Variants in ZNF599 observed in about 807,000 individuals in gnomAD.
ZNF599 encodes zinc finger protein 599.
ZNF599 carries 10 observed loss-of-function variants against 11.7 expected under a neutral mutation model. The ratio of observed to expected loss-of-function variants is 0.86; its 90% CI spans 0.53 to 1.45. The LOEUF (loss-of-function observed/expected upper bound fraction) is 1.45, where lower values mean the gene tolerates loss of function less well. ZNF599 is among the 40% of genes most tolerant of loss of function. The pLI is 0.00. For missense variants in ZNF599, 688 were observed against 713.6 expected, an observed-to-expected ratio of 0.96 and a Z score of 0.41; for synonymous variants, 232 against 253.2, an observed-to-expected ratio of 0.92 and a Z score of 0.79.
intron 1 of ZNF599, 140 bp from the exon 2 acceptor site, chr19:34,769,695 G>A (rs2069169731): frequency 1.0e-6 from 1 of 1,000,610 alleles, no homozygotes; most frequent in Non-Finnish European, 1.5e-6. Flanking sequence ...TGTGGAGGCA[G>A]ATGGTGCCGC....
chr19:34,804,660 C>T, the ZNF599 span, among the ~76,000 whole-genome samples: 1 of 152,226 alleles, frequency 6.6e-6, no homozygotes, highest in African/African-American at 2.4e-5. Flanking sequence ...AAATATCTCA[C>T]TCTTCACATG....
intron 1 of ZNF599, among the ~76,000 whole-genome samples, chr19:34,770,826 T>C (rs994750010): frequency 3.9e-5 from 6 of 152,160 alleles, no homozygotes; most frequent in African/African-American, 1.4e-4. Flanking sequence ...TGCCTCTGCC[T>C]TTGTCCATGC....
chr19:34,798,760 TTCTGGGATCCTTCAACC>T, the ZNF599 span, among the ~76,000 whole-genome samples: 1 of 152,248 alleles, frequency 6.6e-6, no homozygotes, highest in Non-Finnish European at 1.5e-5. Context: ...CTAAATTATT[TTCTGGGATCCTTCAACC>T]TCTGAATTTA....
the ZNF599 span, among the ~76,000 whole-genome samples, chr19:34,780,486 G>A: frequency 0.015 from 2,262 of 151,746 alleles, 43 homozygotes; most frequent in South Asian, 0.085. Flanking sequence ...GTGACAGAGT[G>A]GCACCCTGTG....
Position 34,759,471 on chromosome 19 carries a change from T to C in ZNF599, c.1330A>G (p.Ile444Val). 6.2e-7 allele frequency: 1 copy of C among 1,614,144 alleles called. No homozygotes were observed. Among genetic ancestry groups the C allele is most frequent in the Non-Finnish European group, 8.5e-7 (1 of 1,179,982 alleles). ...TCATAAGGCTTCTCACCAGTGTGAA[T>C]CCTCATATGTTGAATTAAGGAAGAG... ...DSSSLIQHMR[I>V]HTGEKPYECS... Residue 444 changes from isoleucine (I) to valine (V), a missense_variant, in exon 4 of 4, where the codon ATT becomes GTT. Ile to Val is a conservative substitution (Grantham distance 29, BLOSUM62 3). Coordinates refer to ENST00000329285, the MANE Select transcript of ZNF599 (RefSeq NM_001007248.3).
chr19:34,759,704 G>C lies in ZNF599; in HGVS notation c.1097C>G (p.Pro366Arg). The C allele has an allele frequency of 6.2e-7, 1 of 1,614,182 alleles. No individual in the cohort carries two copies. Among genetic ancestry groups the C allele is most frequent in the Non-Finnish European group, 8.5e-7 (1 of 1,180,026 alleles). The stretch of plus-strand genomic sequence containing the variant: ...TTTTCCACATTCTTTACATAAAAAT[G>C]GTTTTTCTCCTGTGTGGGTCACATT... ...QHNVTHTGEK[P>R]FLCKECGKTF... Residue 366 changes from proline (P) to arginine (R), a missense_variant, in exon 4 of 4, where the codon CCA becomes CGA. By Grantham distance (103) the Pro-to-Arg change is moderately radical. Transcript: ENST00000329285.
intron 3 of ZNF599, among the ~76,000 whole-genome samples, chr19:34,761,960 A>C (rs1439150668): frequency 6.6e-6 from 1 of 152,206 alleles, no homozygotes; most frequent in Non-Finnish European, 1.5e-5. Context: ...CAAATAAAAA[A>C]CATAACATTA....
chr19:34,800,761 A>G, the ZNF599 span, among the ~76,000 whole-genome samples: 2 of 150,798 alleles, frequency 1.3e-5, no homozygotes, highest in African/African-American at 2.4e-5. Context: ...ACGCCCTACT[A>G]ATTTTGTGCT....
At chr19:34,804,813 A>G in the ZNF599 span, among the ~76,000 whole-genome samples, 2 of 152,314 alleles carry the variant, frequency 1.3e-5, no homozygotes, top group East Asian at 3.9e-4. Context: ...ATAAGCTCCA[A>G]GTCTGCCTTT....
chr19:34,768,294 G>A (rs988380934), intron 2 of ZNF599, among the ~76,000 whole-genome samples: 3 of 152,208 alleles, frequency 2.0e-5, no homozygotes, highest in Non-Finnish European at 2.9e-5. Context: ...TGCTGCTCAT[G>A]TTGGTCCCTC....
At chr19:34,764,554 T>C (rs775404249) in intron 3 of ZNF599, 7 of 152,236 alleles carry the variant, frequency 4.6e-5, no homozygotes, top group Admixed American at 6.5e-5. Flanking sequence ...AATGGGTATA[T>C]GTAGTCTATT....
At chr19:34,792,083 T>C in the ZNF599 span, among the ~76,000 whole-genome samples, 28 of 152,296 alleles carry the variant, frequency 1.8e-4, no homozygotes, top group Non-Finnish European at 3.5e-4. Context: ...AAAACTATCC[T>C]TGAGCCAAGA....
At chr19:34,807,412 C>G in the ZNF599 span, among the ~76,000 whole-genome samples, 1 of 152,222 alleles carries the variant, frequency 6.6e-6, no homozygotes, top group Non-Finnish European at 1.5e-5. Flanking sequence ...TCCAGCCCAG[C>G]ACTGACACGA....
the ZNF599 span, among the ~76,000 whole-genome samples, chr19:34,780,301 A>T: frequency 6.6e-6 from 1 of 152,138 alleles, no homozygotes; most frequent in Non-Finnish European, 1.5e-5. Flanking sequence ...TCAGGCCAGG[A>T]GTTTGAGACC....
the ZNF599 span, among the ~76,000 whole-genome samples, chr19:34,798,292 G>T: frequency 1.3e-5 from 2 of 152,174 alleles, no homozygotes; most frequent in East Asian, 3.8e-4. Flanking sequence ...TGCTACTGGG[G>T]TACAATTTCT....
chr19:34,759,800 G>C lies in ZNF599; in HGVS notation c.1001C>G (p.Thr334Ser). The C allele has an allele frequency of 6.2e-7, 1 of 1,614,204 alleles. No individual in the cohort carries two copies. Among genetic ancestry groups the C allele is most frequent in the South Asian group, 1.1e-5 (1 of 91,086 alleles). ...SSFAQHMRIH[T>S]GKKLYECGEC... ...ACCGCACTCATAGAGTTTCTTTCCAGTATGAATCCTCATATGTTGAGCAAA... is the reference window on the plus strand; with the variant it reads ...ACCGCACTCATAGAGTTTCTTTCCACTATGAATCCTCATATGTTGAGCAAA... Residue 334 changes from threonine to serine, a missense_variant, in exon 4 of 4, where the codon ACT (threonine) becomes AGT (serine). By Grantham distance (58) the Thr-to-Ser change is moderately conservative. Transcript: ENST00000329285.
the ZNF599 span, among the ~76,000 whole-genome samples, chr19:34,795,023 T>A: frequency 2.0e-5 from 3 of 152,210 alleles, no homozygotes; most frequent in Non-Finnish European, 1.5e-5. Context: ...GATGTCTTTA[T>A]TTTCTGGGTC....
chr19:34,792,995 T>C, the ZNF599 span, among the ~76,000 whole-genome samples: 2,412 of 152,072 alleles, frequency 0.016, 39 homozygotes, highest in Middle Eastern at 0.034. Context: ...GCCAATCCAA[T>C]GTATGGGGAT....
At chr19:34,760,810 C>T (rs2069108591) in intron 3 of ZNF599, among the ~76,000 whole-genome samples, 1 of 152,120 alleles carries the variant, frequency 6.6e-6, no homozygotes, top group Non-Finnish European at 1.5e-5. Context: ...CCTCACTCTC[C>T]CAAATGAGGG....
Sources: allele counts gnomAD v4.1 joint callset (sites outside exome capture counted in the v4.1 genomes callset), GRCh38; gene constraint gnomAD v4.1.1; transcripts MANE v1.5; gene names NCBI Gene and HGNC (gene_info 2026-07-23, HGNC 2026-07-21).